Variants in RAPGEF5 observed in about 807,000 individuals in gnomAD.
RAPGEF5 encodes Rap guanine nucleotide exchange factor 5.
Under a neutral mutation model 125.2 loss-of-function variants are expected in RAPGEF5, and 65 were observed. That is an observed-to-expected ratio of 0.52 (90% CI 0.43 to 0.64). RAPGEF5 has a LOEUF of 0.64. RAPGEF5 is among the 30% of genes least tolerant of loss of function. The pLI is 0.00. For synonymous variants in RAPGEF5, 391 were observed against 385.9 expected, an observed-to-expected ratio of 1.01 and a Z score of -0.16; for missense variants, 958 against 1,048.1, an observed-to-expected ratio of 0.91 and a Z score of 1.19.
At chr7:22,271,267 T>A (rs1782412337) in intron 6 of RAPGEF5, among the ~76,000 whole-genome samples, 1 of 152,164 alleles carries the variant, frequency 6.6e-6, no homozygotes, top group Admixed American at 6.5e-5. Context: ...GTTTCCAAGA[T>A]TCCTAGGTGA....
chr7:22,253,984 C>T (rs1476238832), intron 7 of RAPGEF5, among the ~76,000 whole-genome samples: 1 of 152,028 alleles, frequency 6.6e-6, no homozygotes, highest in African/African-American at 2.4e-5. Flanking sequence ...TTTTTTTCTT[C>T]TACACATGAA....
chr7:22,177,546 A>G (rs555893816), intron 11 of RAPGEF5, among the ~76,000 whole-genome samples: 1 of 152,372 alleles, frequency 6.6e-6, no homozygotes, highest in East Asian at 1.9e-4. Flanking sequence ...AATATACTCA[A>G]AACAGCCACC....
At chr7:22,272,476 A>G (rs1470877860) in intron 6 of RAPGEF5, among the ~76,000 whole-genome samples, 1 of 152,138 alleles carries the variant, frequency 6.6e-6, no homozygotes, top group African/African-American at 2.4e-5. Flanking sequence ...TTTTAATAGA[A>G]TTGCCAATTC....
intron 9 of RAPGEF5, among the ~76,000 whole-genome samples, chr7:22,211,103 A>G (rs1400838627): frequency 7.0e-6 from 1 of 142,776 alleles, no homozygotes; most frequent in African/African-American, 2.4e-5. Context: ...ATTTTCAGCA[A>G]TCTTCTATTT....
intron 9 of RAPGEF5, among the ~76,000 whole-genome samples, chr7:22,207,546 T>G (rs1785424705): frequency 6.6e-6 from 1 of 152,194 alleles, no homozygotes; most frequent in Admixed American, 6.5e-5. Flanking sequence ...AAATTCTCTA[T>G]GAAGGGCATA....
chr7:22,305,765 T>A (rs1783323663), intron 5 of RAPGEF5, among the ~76,000 whole-genome samples: 1 of 152,150 alleles, frequency 6.6e-6, no homozygotes, highest in African/African-American at 2.4e-5. Context: ...TGAGTTCAGT[T>A]GCTTTCATTT....
intron 5 of RAPGEF5, among the ~76,000 whole-genome samples, chr7:22,304,775 T>C (rs1258272115): frequency 6.6e-6 from 1 of 152,196 alleles, no homozygotes; most frequent in African/African-American, 2.4e-5. Flanking sequence ...ATCATGCCAC[T>C]CCTTTTTAGG....
In RAPGEF5 at chr7:22,124,208, C is replaced by T. The variant is rs182137176; in HGVS notation, c.2536+1396G>A. On this transcript the variant is annotated intron_variant, in intron 25 of 25. Coordinates refer to ENST00000665637, the MANE Select transcript of RAPGEF5 (RefSeq NM_012294.5). ...TTGGAGCATATATAAACTAGAGTTCCTTGGTTAAGTGAGACTGATATCTTA... is the reference window on the plus strand; with the variant it reads ...TTGGAGCATATATAAACTAGAGTTCTTTGGTTAAGTGAGACTGATATCTTA... Among the ~76,000 whole-genome samples, 92 of 152,252 alleles carry T rather than the reference C, an allele frequency of 6.0e-4. 1 individual carries two copies. The Middle Eastern group carries it at 0.01, about 17-fold the overall frequency.
intron 11 of RAPGEF5, among the ~76,000 whole-genome samples, chr7:22,185,910 A>T (rs1389405008): frequency 2.0e-5 from 3 of 151,724 alleles, no homozygotes; most frequent in Non-Finnish European, 4.4e-5. Flanking sequence ...GCTGGACTGC[A>T]GTGGTGCGAT....
chr7:22,194,849 T>C, intron 9 of RAPGEF5: 1 of 832,304 alleles, frequency 1.2e-6, no homozygotes, highest in Non-Finnish European at 1.4e-6. Context: ...GACAGCTTGC[T>C]GCTGACCCAG....
In RAPGEF5 at chr7:22,356,864, G is replaced by C. The variant is rs1784431323; in HGVS notation, c.197C>G (p.Thr66Arg). The change falls in exon 1 of 26, where the codon ACG becomes AGG. Residue 66 changes from threonine (T) to arginine (R), a missense_variant. Coordinates refer to ENST00000665637, the MANE Select transcript of RAPGEF5 (RefSeq NM_012294.5). ...DLPALLRSGL[T>R]LRRKRSAAGG... ...AGCGGCGCTCCGCTTCCTCCGCAGC[G>C]TGAGCCCGCTCCGCAGCAGCGCGGG... is the stretch of plus-strand genomic sequence containing the variant. The C allele has an allele frequency of 5.2e-6, 6 of 1,163,762 alleles. No homozygotes were observed. Among genetic ancestry groups the C allele is most frequent in the Admixed American group, 4.7e-5 (1 of 21,300 alleles). 72.1% of individuals were successfully genotyped at this position (1,163,762 alleles called of 1,614,324 possible). A position where few individuals can be genotyped will look rare whatever the true frequency, so the allele number is the denominator to read the frequency against.
intron 7 of RAPGEF5, among the ~76,000 whole-genome samples, chr7:22,240,967 A>C (rs1435606158): frequency 1.3e-5 from 2 of 152,180 alleles, no homozygotes; most frequent in Non-Finnish European, 2.9e-5. Flanking sequence ...CCCTCCAACA[A>C]GCCCCAGAAG....
chr7:22,232,867 G>A (rs1263466699), intron 7 of RAPGEF5, among the ~76,000 whole-genome samples: 1 of 152,128 alleles, frequency 6.6e-6, no homozygotes, highest in African/African-American at 2.4e-5. Flanking sequence ...GTAACTTTAT[G>A]AAAGAAGAAA....
At chr7:22,140,917 T>A (rs1287031679) in intron 20 of RAPGEF5, among the ~76,000 whole-genome samples, 2 of 151,448 alleles carry the variant, frequency 1.3e-5, no homozygotes, top group East Asian at 1.9e-4. Context: ...TTTAAAATAA[T>A]AAAAAAAAAT....
intron 14 of RAPGEF5, 31 bp downstream of exon 14, chr7:22,160,487 T>C (rs1394961264): frequency 6.5e-7 from 1 of 1,527,750 alleles, no homozygotes; most frequent in East Asian, 2.5e-5. Flanking sequence ...TTTTCTTTCA[T>C]TAACTATAAT....
chr7:22,275,953 G>A (rs904710723), intron 6 of RAPGEF5, among the ~76,000 whole-genome samples: 2 of 152,178 alleles, frequency 1.3e-5, no homozygotes, highest in Admixed American at 6.5e-5. Context: ...ACAAGCTAAC[G>A]ACACTAACAT....
intron 1 of RAPGEF5, among the ~76,000 whole-genome samples, chr7:22,353,519 T>C (rs948185350): frequency 1.3e-5 from 2 of 152,144 alleles, no homozygotes; most frequent in African/African-American, 4.8e-5. Context: ...CCTACAAAAG[T>C]GTATGGAGGG....
At position 22,128,118 on chromosome 7, in the gene RAPGEF5, G is replaced by A. The variant is rs542538647; in HGVS notation, c.2482-2460C>T. Reference sequence around the variant, plus strand: ...GCAAGGCTCAAACTGATGTAAGGCTGGGTAGTGGGTGTGGCATTGAAACCT... The same window carrying A: ...GCAAGGCTCAAACTGATGTAAGGCTAGGTAGTGGGTGTGGCATTGAAACCT... On this transcript the variant is annotated intron_variant, in intron 24 of 25. Coordinates refer to ENST00000665637, the MANE Select transcript of RAPGEF5 (RefSeq NM_012294.5). Among the ~76,000 whole-genome samples, 169 of 152,258 alleles carry A rather than the reference G, an allele frequency of 1.1e-3. 2 individuals are homozygous for A. The highest frequency in any genetic ancestry group is 5.4e-3 in the Admixed American group (82 of 15,284).
intron 1 of RAPGEF5, among the ~76,000 whole-genome samples, chr7:22,325,375 T>G (rs1181573789): frequency 6.6e-6 from 1 of 151,954 alleles, no homozygotes; most frequent in Non-Finnish European, 1.5e-5. Context: ...ACCTGCCAAG[T>G]GGTAAAGCAT....
Sources: gnomAD v4.1 joint callset for allele counts (sites outside exome capture counted in the v4.1 genomes callset) on GRCh38, gnomAD v4.1.1 for gene constraint, MANE v1.5 for transcripts, NCBI Gene and HGNC (gene_info 2026-07-23, HGNC 2026-07-21) for gene names.